Variants in FKBP5 observed in about 807,000 individuals in gnomAD.
The protein encoded by FKBP5 is FKBP prolyl isomerase 5, also known as peptidyl-prolyl cis-trans isomerase FKBP5.
In FKBP5, 23 loss-of-function variants were observed where a neutral mutation model predicts 50.5. The observed-to-expected ratio is 0.46, with a 90% confidence interval of 0.33 to 0.65. The LOEUF is 0.65. Ranked by LOEUF, FKBP5 falls within the 30% of genes least tolerant of loss-of-function variation. The pLI, the probability that FKBP5 is intolerant of heterozygous loss-of-function variation, is 0.02. For missense variants in FKBP5, 411 were observed against 553.1 expected (o/e 0.74, Z 2.58); for synonymous variants, 176 against 190.6 (o/e 0.92, Z 0.63).
At chr6:35,662,386 C>T (rs1487273213) in intron 1 of FKBP5, among the ~76,000 whole-genome samples, 1 of 151,884 alleles carries the variant, frequency 6.6e-6, no homozygotes, top group African/African-American at 2.4e-5. Context: ...ATAGTCCTCC[C>T]ACCTCAGCCT....
intron 2 of FKBP5, among the ~76,000 whole-genome samples, chr6:35,705,977 G>C (rs1391171131): frequency 6.6e-6 from 1 of 152,170 alleles, no homozygotes; most frequent in Non-Finnish European, 1.5e-5. Flanking sequence ...AGGTGTGGTG[G>C]CTTGCACCTG....
intron 1 of FKBP5, among the ~76,000 whole-genome samples, chr6:35,653,016 G>C (rs1764853690): frequency 6.6e-6 from 1 of 152,132 alleles, no homozygotes; most frequent in Non-Finnish European, 1.5e-5. Flanking sequence ...GATAAGAAGG[G>C]ATATTATGAT....
intron 5 of FKBP5, among the ~76,000 whole-genome samples, chr6:35,617,170 G>T (rs1399955860): frequency 6.6e-6 from 1 of 152,006 alleles, no homozygotes; most frequent in East Asian, 1.9e-4. Context: ...ATGGCAATTT[G>T]GGATAAATAA....
intron 9 of FKBP5, among the ~76,000 whole-genome samples, chr6:35,579,729 G>A (rs530198390): frequency 2.0e-5 from 3 of 152,220 alleles, no homozygotes; most frequent in Admixed American, 6.5e-5. Flanking sequence ...GGAGTTATAC[G>A]TCTACTCTGA....
At chr6:35,618,985 T>C (rs1314724178) in intron 5 of FKBP5, 111 bp downstream of exon 5, 2 of 726,808 alleles carry the variant, frequency 2.8e-6, no homozygotes, top group Non-Finnish European at 4.7e-6. Flanking sequence ...CGTGAGTCAC[T>C]GCGCACAGCC....
Position 35,573,865 on chromosome 6 carries a change from C to CA in FKBP5, c.*1969dup, listed in dbSNP as rs1312720151. ...CACACACCCTTCCCCTCCCCACACA[C>CA]ACTTTTGCCAGTTCCCCCTGGTGAA... On this transcript the variant is annotated 3_prime_UTR_variant, in exon 11 of 11. Coordinates refer to ENST00000357266, the MANE Select transcript of FKBP5 (RefSeq NM_004117.4). The CA allele has an allele frequency of 8.5e-5, 13 of 152,226 alleles. No homozygotes were observed. Among genetic ancestry groups the CA allele is most frequent in the African/African-American group, 2.9e-4 (12 of 41,458 alleles). The allele number at this position is 152,226 out of a possible 1,614,324, so 9.4% of individuals were successfully genotyped here. A position where few individuals can be genotyped will look rare whatever the true frequency, so the allele number is the denominator to read the frequency against.
At chr6:35,681,789 A>G (rs1581879304) in intron 1 of FKBP5, among the ~76,000 whole-genome samples, 1 of 152,340 alleles carries the variant, frequency 6.6e-6, no homozygotes, top group East Asian at 1.9e-4. Context: ...AACCATATAT[A>G]CCATTATATA....
chr6:35,598,741 C>T (rs1046809997), intron 5 of FKBP5, among the ~76,000 whole-genome samples: 7 of 151,860 alleles, frequency 4.6e-5, no homozygotes, highest in Non-Finnish European at 1.0e-4. Context: ...GAGGCCGAGG[C>T]GGGTGGATCA....
At chr6:35,700,125 G>T (rs1017970558) in intron 2 of FKBP5, among the ~76,000 whole-genome samples, 1 of 152,034 alleles carries the variant, frequency 6.6e-6, no homozygotes, top group Non-Finnish European at 1.5e-5. Context: ...GAATTGCTAC[G>T]GACCTGTGGC....
chr6:35,687,548 A>T (rs1765862977), intron 1 of FKBP5, among the ~76,000 whole-genome samples: 1 of 152,214 alleles, frequency 6.6e-6, no homozygotes, highest in Non-Finnish European at 1.5e-5. Context: ...ATACTTAACC[A>T]AAATATGCTT....
intron 8 of FKBP5, chr6:35,584,697 C>T: frequency 1.0e-6 from 1 of 985,436 alleles, no homozygotes; most frequent in Non-Finnish European, 1.2e-6. Flanking sequence ...TGTTCAGAGA[C>T]ATTCTGGGAG....
chr6:35,689,780 T>C (rs1294080009), upstream of FKBP5, among the ~76,000 whole-genome samples: 1 of 152,034 alleles, frequency 6.6e-6, no homozygotes, highest in Non-Finnish European at 1.5e-5. Context: ...GAGGTTGTAG[T>C]GAGTCGAGAT....
At chr6:35,692,660 G>A (rs558783543), upstream of FKBP5, among the ~76,000 whole-genome samples, 10 of 151,884 alleles carry the variant, frequency 6.6e-5, no homozygotes, top group South Asian at 6.3e-4. Flanking sequence ...TTAGCTGGGC[G>A]TGCGCCTGTA....
At position 35,585,127 on chromosome 6, in the gene FKBP5, G is replaced by A. The variant is rs190932974; in HGVS notation, c.840+1907C>T. The A allele has an allele frequency of 7.1e-5, 70 of 983,472 alleles. No individual in the cohort carries two copies. In the African/African-American group the frequency reaches 1.0e-3, roughly 14 times the overall value. 60.9% of individuals were successfully genotyped at this position (983,472 alleles called of 1,614,324 possible). ...ACTACACTGAATCGATATAATTCTAGTCAAAGGCCAAAAGCCTCAAATCTT... is the reference window on the plus strand; with the variant it reads ...ACTACACTGAATCGATATAATTCTAATCAAAGGCCAAAAGCCTCAAATCTT... On this transcript the variant is annotated intron_variant, in intron 8 of 10. Coordinates refer to ENST00000357266, the MANE Select transcript of FKBP5 (RefSeq NM_004117.4).
At position 35,575,735 on chromosome 6, in the gene FKBP5, A is replaced by G. The variant is rs1762190240; in HGVS notation, c.*100T>C. On this transcript the variant is annotated 3_prime_UTR_variant, in exon 11 of 11. Coordinates refer to ENST00000357266, the MANE Select transcript of FKBP5 (RefSeq NM_004117.4). ...ATTTGCTTCCAGAATCACATAGACT[A>G]TAACAAACTTTACATTAAACACTGT... The G allele has an allele frequency of 7.0e-6, 6 of 863,308 alleles. No homozygotes were observed. Among genetic ancestry groups the G allele is most frequent in the Middle Eastern group, 4.5e-4 (2 of 4,420 alleles). 53.5% of individuals were successfully genotyped at this position (863,308 alleles called of 1,614,324 possible). A position where few individuals can be genotyped will look rare whatever the true frequency, so the allele number is the denominator to read the frequency against.
At chr6:35,726,703 G>T (rs1055360142) in intron 1 of FKBP5, among the ~76,000 whole-genome samples, 23 of 152,118 alleles carry the variant, frequency 1.5e-4, no homozygotes, top group Non-Finnish European at 2.4e-4. Context: ...GCTGGCTTGG[G>T]TTATTATTTA....
chr6:35,628,582 T>G (rs1326958266), intron 3 of FKBP5, among the ~76,000 whole-genome samples: 1 of 152,210 alleles, frequency 6.6e-6, no homozygotes, highest in Non-Finnish European at 1.5e-5. Flanking sequence ...TTTAACTACT[T>G]GCATATTCTG....
chr6:35,630,531 C>T (rs796735967), intron 3 of FKBP5, among the ~76,000 whole-genome samples: 5 of 152,134 alleles, frequency 3.3e-5, no homozygotes, highest in South Asian at 2.1e-4. Flanking sequence ...TGAGTGAGAG[C>T]GAGACTCCGT....
chr6:35,654,645 A>T (rs1435837466), intron 1 of FKBP5, among the ~76,000 whole-genome samples: 1 of 151,962 alleles, frequency 6.6e-6, no homozygotes, highest in African/African-American at 2.4e-5. Context: ...GCTTTTTGAG[A>T]TGGAGTCTTG....
Sources: gnomAD v4.1 joint callset for allele counts (sites outside exome capture counted in the v4.1 genomes callset) on GRCh38, gnomAD v4.1.1 for gene constraint, MANE v1.5 for transcripts, NCBI Gene and HGNC (gene_info 2026-07-23, HGNC 2026-07-21) for gene names.